Variants in SCAMP1 observed in about 807,000 individuals in gnomAD.
SCAMP1 encodes secretory carrier membrane protein 1.
A neutral mutation model predicts 41.8 loss-of-function variants in SCAMP1; 15 were observed. The ratio of observed to expected loss-of-function variants is 0.36; its 90% CI spans 0.24 to 0.55. The LOEUF (loss-of-function observed/expected upper bound fraction) is 0.55, where lower values mean the gene tolerates loss of function less well. SCAMP1 is among the 20% of genes least tolerant of loss of function. The pLI, the probability that SCAMP1 is intolerant of heterozygous loss-of-function variation, is 0.86. For synonymous variants in SCAMP1, 135 were observed against 136.8 expected, an observed-to-expected ratio of 0.99 and a Z score of 0.09; for missense variants, 341 against 412.6, an observed-to-expected ratio of 0.83 and a Z score of 1.50.
chr5:78,426,787 C>T (rs1174916694), intron 6 of SCAMP1, among the ~76,000 whole-genome samples: 2 of 152,180 alleles, frequency 1.3e-5, no homozygotes, highest in Admixed American at 1.3e-4. Flanking sequence ...TTTCTCTTTT[C>T]TGAGCATTTC....
chr5:78,433,714 C>T (rs1752677563), intron 6 of SCAMP1, among the ~76,000 whole-genome samples: 1 of 152,116 alleles, frequency 6.6e-6, no homozygotes, highest in East Asian at 1.9e-4. Context: ...ACACTCTTCC[C>T]CCAGGAGTAG....
At chr5:78,390,055 G>C (rs578223958) in intron 2 of SCAMP1, among the ~76,000 whole-genome samples, 13 of 152,290 alleles carry the variant, frequency 8.5e-5, no homozygotes, top group Non-Finnish European at 1.9e-4. Flanking sequence ...ACTTGTGACT[G>C]GTGACTTGGG....
intron 6 of SCAMP1, among the ~76,000 whole-genome samples, chr5:78,427,464 A>C (rs565960518): frequency 1.6e-4 from 25 of 152,278 alleles, no homozygotes; most frequent in African/African-American, 5.1e-4. Flanking sequence ...CAAAAATCCA[A>C]ACTGTAACAG....
intron 1 of SCAMP1, among the ~76,000 whole-genome samples, chr5:78,370,345 A>G (rs1750912956): frequency 6.6e-6 from 1 of 152,206 alleles, no homozygotes; most frequent in African/African-American, 2.4e-5. Context: ...AAAAGGTGAC[A>G]TGGAGTTTGG....
intron 7 of SCAMP1, among the ~76,000 whole-genome samples, chr5:78,458,595 G>A (rs941754106): frequency 6.6e-6 from 1 of 152,164 alleles, no homozygotes; most frequent in Non-Finnish European, 1.5e-5. Flanking sequence ...TTAAAAAAAT[G>A]TAATAATAGG....
intron 1 of SCAMP1, among the ~76,000 whole-genome samples, chr5:78,368,192 G>T (rs1750846261): frequency 6.6e-6 from 1 of 152,150 alleles, no homozygotes; most frequent in African/African-American, 2.4e-5. Context: ...AGGGTGAAGT[G>T]TCCGTTGCCA....
intron 1 of SCAMP1, 24 bp downstream of exon 1, chr5:78,360,752 C>T (rs1199113965): frequency 3.1e-6 from 5 of 1,597,162 alleles, no homozygotes; most frequent in Non-Finnish European, 2.6e-6. Context: ...CCAGCATCTC[C>T]TGCCGCCGCG....
At chr5:78,427,475 C>T (rs962548616) in intron 6 of SCAMP1, among the ~76,000 whole-genome samples, 3 of 151,986 alleles carry the variant, frequency 2.0e-5, no homozygotes, top group South Asian at 2.1e-4. Flanking sequence ...ACTGTAACAG[C>T]GTGTACAAGT....
rs1561290939 is a variant in SCAMP1, at chr5:78,469,913, C to CAAAAAAAAAAAAAAAAAAAAAAAAA, written c.853-5572_853-5571insAAAAAAAAAAAAAAAAAAAAAAAAA. On this transcript the variant is annotated intron_variant, in intron 8 of 8. Transcript: ENST00000621999. Reference sequence around the variant, plus strand: ...ATTAAAAAAAAAAAAAAAAAAAAAACAAAAAAAAAAAAAAAAAAACAACAA... The same window carrying CAAAAAAAAAAAAAAAAAAAAAAAAA: ...ATTAAAAAAAAAAAAAAAAAAAAAACAAAAAAAAAAAAAAAAAAAAAAAAAAAAAAAAAAAAAAAAAAAACAACAA... Among the ~76,000 whole-genome samples, 19 of 23,194 alleles carry CAAAAAAAAAAAAAAAAAAAAAAAAA rather than the reference C, an allele frequency of 8.2e-4. 1 individual carries two copies. Among genetic ancestry groups the CAAAAAAAAAAAAAAAAAAAAAAAAA allele is most frequent in the Admixed American group, 1.7e-3 (4 of 2,362 alleles). The allele number at this position is 23,194 out of a possible 152,430, so 15.2% of individuals were successfully genotyped here.
At chr5:78,413,435 T>TTG (rs1290069263) in intron 2 of SCAMP1, among the ~76,000 whole-genome samples, 45 of 151,566 alleles carry the variant, frequency 3.0e-4, no homozygotes, top group African/African-American at 1.0e-3. Flanking sequence ...TTTTTTTTTT[T>TTG]GAGATAGACT....
chr5:78,449,000 CA>C (rs370076536), intron 6 of SCAMP1, among the ~76,000 whole-genome samples: 39 of 136,436 alleles, frequency 2.9e-4, no homozygotes, highest in Admixed American at 3.0e-4. Flanking sequence ...AACTCCGTCT[CA>C]AAAAAAAAAA....
chr5:78,377,197 G>A (rs1000653557), intron 1 of SCAMP1, among the ~76,000 whole-genome samples: 1 of 152,110 alleles, frequency 6.6e-6, no homozygotes, highest in African/African-American at 2.4e-5. Flanking sequence ...TAAAATAACA[G>A]TAACCATATT....
intron 2 of SCAMP1, among the ~76,000 whole-genome samples, chr5:78,395,928 G>A (rs1751639452): frequency 6.6e-6 from 1 of 152,184 alleles, no homozygotes; most frequent in African/African-American, 2.4e-5. Flanking sequence ...ATGCACTCAA[G>A]GGAAGGGCAT....
At chr5:78,385,447 G>C (rs191149283) in intron 1 of SCAMP1, among the ~76,000 whole-genome samples, 1 of 151,940 alleles carries the variant, frequency 6.6e-6, no homozygotes, top group East Asian at 1.9e-4. Context: ...ATTTCATTTA[G>C]TTCTGCTCTG....
chr5:78,416,807 G>A (rs910813800), intron 4 of SCAMP1, among the ~76,000 whole-genome samples, 158 bp downstream of exon 4: 1 of 152,184 alleles, frequency 6.6e-6, no homozygotes, highest in Non-Finnish European at 1.5e-5. Flanking sequence ...TTGATACTCT[G>A]TAGCCTTCTA....
At position 78,391,426 on chromosome 5, in the gene SCAMP1, C is replaced by G. The variant is rs557660873; in HGVS notation, c.135+2512C>G. On this transcript the variant is annotated intron_variant, in intron 2 of 8. Coordinates refer to ENST00000621999, the MANE Select transcript of SCAMP1 (RefSeq NM_004866.6). Reference sequence around the variant, plus strand: ...GCGGGGGGCTGACCCCCCCACCTCCCTCCCGGACAGGGCGGCTGGCCTGGC... The same window carrying G: ...GCGGGGGGCTGACCCCCCCACCTCCGTCCCGGACAGGGCGGCTGGCCTGGC... Among the ~76,000 whole-genome samples the G allele has an allele frequency of 9.1e-4, 138 of 152,032 alleles. 3 individuals are homozygous for G. Among genetic ancestry groups the G allele is most frequent in the African/African-American group, 3.2e-3 (134 of 41,472 alleles).
rs1305614398 is a variant in SCAMP1, at chr5:78,480,260, G to A, written c.*4592G>A. Among the ~76,000 whole-genome samples, 1 of 152,116 alleles carries A rather than the reference G, an allele frequency of 6.6e-6. No individual in the cohort carries two copies. Among genetic ancestry groups the A allele is most frequent in the African/African-American group, 2.4e-5 (1 of 41,410 alleles). On this transcript the variant is annotated 3_prime_UTR_variant, in exon 9 of 9. Coordinates refer to ENST00000621999, the MANE Select transcript of SCAMP1 (RefSeq NM_004866.6). ...AAGCCATTTAATCTTTTCTGTAATA[G>A]GAGCAGAAAATAGTTAATCATCCAC... is the stretch of plus-strand genomic sequence containing the variant.
chr5:78,479,968 C>G lies in SCAMP1; in HGVS notation c.*4300C>G, dbSNP rs1754100069. Among the ~76,000 whole-genome samples the G allele has an allele frequency of 2.0e-5, 3 of 151,952 alleles. No homozygotes were observed. The highest frequency in any genetic ancestry group is 7.3e-5 in the African/African-American group (3 of 41,340). ...GGCTGAGGCAGGAGAATGACGTGAA[C>G]CTGGGAGGCGGAGCTTGCAGTGAGC... On this transcript the variant is annotated 3_prime_UTR_variant, in exon 9 of 9. Coordinates refer to ENST00000621999, the MANE Select transcript of SCAMP1 (RefSeq NM_004866.6).
At chr5:78,459,125 T>G (rs1395505851) in intron 7 of SCAMP1, 120 bp from the exon 8 acceptor site, 3 of 666,350 alleles carry the variant, frequency 4.5e-6, no homozygotes, top group East Asian at 5.7e-5. Flanking sequence ...AATGCACTAA[T>G]ACACATAAAG....
Sources: allele counts gnomAD v4.1 joint callset (sites outside exome capture counted in the v4.1 genomes callset), GRCh38; gene constraint gnomAD v4.1.1; transcripts MANE v1.5; gene names NCBI Gene and HGNC (gene_info 2026-07-23, HGNC 2026-07-21).